The following LHPP variants were observed in gnomAD, a reference collection of about 807,000 sequenced individuals.
The protein encoded by LHPP is hLHPP.
Under a neutral mutation model 30.3 loss-of-function variants are expected in LHPP, and 24 were observed. The ratio of observed to expected loss-of-function variants is 0.79; its 90% CI spans 0.57 to 1.11. The LOEUF (loss-of-function observed/expected upper bound fraction) is 1.11, where lower values mean the gene tolerates loss of function less well. Among genes scored for constraint, LHPP ranks in the 50% most tolerant of loss-of-function variants. The probability of loss-of-function intolerance (pLI) is 0.00; values close to 1 mark genes in which losing one functional copy is unlikely to be tolerated. For synonymous variants in LHPP, 150 were observed against 157.1 expected, an observed-to-expected ratio of 0.95 and a Z score of 0.34; for missense variants, 356 against 367.2, an observed-to-expected ratio of 0.97 and a Z score of 0.25.
chr10:124,600,057 G>A (rs1949001616), intron 6 of LHPP, among the ~76,000 whole-genome samples: 1 of 152,246 alleles, frequency 6.6e-6, no homozygotes, highest in Non-Finnish European at 1.5e-5. Flanking sequence ...AAGGCACCAA[G>A]TGAGGCAGGG....
intron 5 of LHPP, among the ~76,000 whole-genome samples, chr10:124,506,890 T>G (rs143089985): frequency 0.019 from 76 of 4,042 alleles, 2 homozygotes; most frequent in Middle Eastern, 0.5. Context: ...GATTTCAGGT[T>G]GGGGGGTAGG....
At chr10:124,497,077 A>C in intron 4 of LHPP, 53 bp downstream of exon 4, 1 of 1,431,582 alleles carries the variant, frequency 7.0e-7, no homozygotes, top group Middle Eastern at 1.8e-4. Flanking sequence ...GGCACCTGGG[A>C]CTTTTTGGGT....
intron 6 of LHPP, among the ~76,000 whole-genome samples, chr10:124,612,121 G>C (rs533626533): frequency 1.3e-5 from 2 of 152,114 alleles, no homozygotes; most frequent in African/African-American, 4.8e-5. Context: ...ACTGGGATGG[G>C]GGCCGGGCAC....
intron 1 of LHPP, among the ~76,000 whole-genome samples, chr10:124,470,077 G>A (rs914069412): frequency 4.6e-5 from 7 of 152,172 alleles, no homozygotes; most frequent in South Asian, 2.1e-4. Flanking sequence ...ATCTGTAACC[G>A]GCCGTGTCCC....
chr10:124,502,163 G>A (rs1310262344), intron 5 of LHPP, among the ~76,000 whole-genome samples: 3 of 151,870 alleles, frequency 2.0e-5, no homozygotes, highest in Non-Finnish European at 2.9e-5. Context: ...TGATAAAACC[G>A]GGAAATCAAC....
At chr10:124,598,289 C>T (rs953073888) in intron 6 of LHPP, among the ~76,000 whole-genome samples, 13 of 152,222 alleles carry the variant, frequency 8.5e-5, no homozygotes, top group South Asian at 6.2e-4. Flanking sequence ...CAGGGGCTTC[C>T]GCTTCTCTGT....
intron 5 of LHPP, chr10:124,498,805 T>A (rs1470270950): frequency 2.7e-6 from 1 of 376,930 alleles, no homozygotes; most frequent in Non-Finnish European, 5.1e-6. Flanking sequence ...CTTAACCCCC[T>A]TACTAACCAG....
chr10:124,565,845 G>A (rs747400299), intron 6 of LHPP, among the ~76,000 whole-genome samples: 1 of 152,214 alleles, frequency 6.6e-6, no homozygotes, highest in Admixed American at 6.5e-5. Flanking sequence ...CCAGCCCGGC[G>A]TCGGGTTACA....
chr10:124,584,747 T>A (rs565991118), intron 6 of LHPP, among the ~76,000 whole-genome samples: 100 of 152,224 alleles, frequency 6.6e-4, no homozygotes, highest in Non-Finnish European at 1.0e-3. Flanking sequence ...TTTTGCTCCA[T>A]GAACATGGGA....
chr10:124,601,436 G>A (rs1206071864), intron 6 of LHPP, among the ~76,000 whole-genome samples: 1 of 152,190 alleles, frequency 6.6e-6, no homozygotes, highest in Admixed American at 6.5e-5. Flanking sequence ...GAGACAGGCG[G>A]GTGAGCACTT....
Position 124,484,023 on chromosome 10 carries a change from T to C in LHPP, c.126-116T>C. ...CCAGGACCCCCTCAGGGGCTCGCAG[T>C]GGCCTAGTCTGCTCTGGGCTTTGCT... On this transcript the variant is annotated intron_variant, in intron 1 of 6. Transcript: ENST00000368842. The C allele has an allele frequency of 9.8e-6, 9 of 916,132 alleles. No individual in the cohort carries two copies. The South Asian group carries it at 1.3e-4, about 13-fold the overall frequency. The allele number at this position is 916,132 out of a possible 1,614,324, so 56.8% of individuals were successfully genotyped here.
At chr10:124,578,137 T>C (rs752509458) in intron 6 of LHPP, among the ~76,000 whole-genome samples, 9 of 152,170 alleles carry the variant, frequency 5.9e-5, no homozygotes, top group Non-Finnish European at 1.2e-4. Flanking sequence ...GAGTTCCCAC[T>C]GCCTTCCTAG....
At chr10:124,470,681 C>CAACAACAATAAT (rs1554877242) in intron 1 of LHPP, among the ~76,000 whole-genome samples, 88 of 150,886 alleles carry the variant, frequency 5.8e-4, no homozygotes, top group African/African-American at 2.0e-3. Context: ...ACAACAACAA[C>CAACAACAATAAT]AATAATAATA....
chr10:124,547,700 C>A (rs1324494458), intron 6 of LHPP, among the ~76,000 whole-genome samples: 1 of 152,050 alleles, frequency 6.6e-6, no homozygotes, highest in Non-Finnish European at 1.5e-5. Flanking sequence ...GAGAAGCAGT[C>A]TGAGGGAGGG....
intron 6 of LHPP, among the ~76,000 whole-genome samples, chr10:124,608,399 C>G (rs895922075): frequency 1.3e-5 from 2 of 152,154 alleles, no homozygotes; most frequent in African/African-American, 4.8e-5. Context: ...TCCATTTTAG[C>G]CACAACAGCG....
chr10:124,517,296 T>G lies in LHPP; in HGVS notation c.716+25T>G. 6.9e-7 allele frequency: 1 copy of G among 1,441,082 alleles called. No homozygotes were observed. Among genetic ancestry groups the G allele is most frequent in the East Asian group, 2.4e-5 (1 of 42,080 alleles). 89.3% of individuals were successfully genotyped at this position (1,441,082 alleles called of 1,614,324 possible). A position where few individuals can be genotyped will look rare whatever the true frequency, so the allele number is the denominator to read the frequency against. On this transcript the variant is annotated intron_variant, in intron 6 of 6. Transcript: ENST00000368842. This position sits in a 1 kb window ranked among gnomAD's most constrained non-coding sequence, Gnocchi z 4.1. ...GGTCAGTGCCAGCTGGAGTCATTTA[T>G]TCACCTTCCTTCCAGGGGATGACCA...
intron 6 of LHPP, among the ~76,000 whole-genome samples, chr10:124,565,814 G>T (rs1270921966): frequency 6.6e-6 from 1 of 152,258 alleles, no homozygotes; most frequent in Non-Finnish European, 1.5e-5. Context: ...GCTGGCGAGG[G>T]CCCTGTGGAT....
chr10:124,586,473 T>C (rs1049074568), intron 6 of LHPP, among the ~76,000 whole-genome samples: 5 of 152,176 alleles, frequency 3.3e-5, no homozygotes, highest in African/African-American at 1.2e-4. Flanking sequence ...GCCCCTGCCC[T>C]GAAGGACCTC....
chr10:124,519,533 C>A (rs1954551942), intron 6 of LHPP, among the ~76,000 whole-genome samples: 1 of 152,064 alleles, frequency 6.6e-6, no homozygotes, highest in South Asian at 2.1e-4. Flanking sequence ...TTTGGTGCAC[C>A]CATCACCCGA....
Sources: allele counts gnomAD v4.1 joint callset (sites outside exome capture counted in the v4.1 genomes callset), GRCh38; gene constraint gnomAD v4.1.1; non-coding constraint Gnocchi (gnomAD v3.1); transcripts MANE v1.5; gene names NCBI Gene and HGNC (gene_info 2026-07-23, HGNC 2026-07-21).